CDH12: variants seen among roughly 807,000 people sequenced by gnomAD.
The protein encoded by CDH12 is cadherin-12.
A neutral mutation model predicts 74.1 loss-of-function variants in CDH12; 41 were observed. That is an observed-to-expected ratio of 0.55 (90% confidence interval 0.43 to 0.72). The LOEUF (loss-of-function observed/expected upper bound fraction) is 0.72, where lower values mean the gene tolerates loss of function less well. CDH12 is among the 30% of genes least tolerant of loss of function. The pLI, the probability that CDH12 is intolerant of heterozygous loss-of-function variation, is 0.00. For missense variants in CDH12, 945 were observed against 977.2 expected, an observed-to-expected ratio of 0.97 and a Z score of 0.44; for synonymous variants, 399 against 355.0, an observed-to-expected ratio of 1.12 and a Z score of -1.39.
chr5:22,767,728 C>T (rs1746595175), intron 1 of CDH12, among the ~76,000 whole-genome samples: 1 of 151,828 alleles, frequency 6.6e-6, no homozygotes, highest in African/African-American at 2.4e-5. Context: ...AAAATTATAC[C>T]TACGAGTTCT....
intron 1 of CDH12, among the ~76,000 whole-genome samples, chr5:22,725,971 TAC>T (rs929340544): frequency 2.6e-5 from 4 of 151,790 alleles, no homozygotes; most frequent in Admixed American, 2.6e-4. Context: ...TAGGGGAGAA[TAC>T]AGAGTTTTCT....
chr5:22,226,181 T>C (rs1752188929), intron 3 of CDH12, among the ~76,000 whole-genome samples: 1 of 151,890 alleles, frequency 6.6e-6, no homozygotes. Context: ...CGGACCTCTC[T>C]ATTCTCGGTA....
rs1751908112 is a variant in CDH12 at position 21,875,862 on chromosome 5, G to A, written c.527-21072C>T. Among the ~76,000 whole-genome samples, 8 of 149,690 alleles carry A rather than the reference G, an allele frequency of 5.3e-5. No homozygotes were observed. In the South Asian group the frequency reaches 1.7e-3, roughly 32 times the overall value. ...TGATATTTTCTCCTAAGAGAGAATG[G>A]TGTTTCTTACGTTTACCTTTCTTCT... On this transcript the variant is annotated intron_variant, in intron 6 of 14. Transcript: ENST00000382254.
At chr5:22,599,054 A>T (rs166576) in intron 1 of CDH12, among the ~76,000 whole-genome samples, 74,501 of 151,908 alleles carry the variant, frequency 0.49, 18,566 homozygotes, top group Admixed American at 0.58. Flanking sequence ...GTCGCCAAAA[A>T]TCAGAGCCTT....
intron 1 of CDH12, among the ~76,000 whole-genome samples, chr5:22,840,944 T>G (rs943997058): frequency 3.3e-5 from 5 of 151,382 alleles, no homozygotes; most frequent in African/African-American, 1.2e-4. Flanking sequence ...GCAAGAAGAG[T>G]TGGACAGAGC....
intron 4 of CDH12, among the ~76,000 whole-genome samples, chr5:22,091,195 G>T (rs1326781669): frequency 7.6e-6 from 1 of 132,186 alleles, no homozygotes; most frequent in Non-Finnish European, 1.6e-5. Context: ...GTGTGTGTGT[G>T]TGTATATATA....
At chr5:22,530,828 A>G (rs544077541) in intron 1 of CDH12, among the ~76,000 whole-genome samples, 56 of 152,220 alleles carry the variant, frequency 3.7e-4, no homozygotes, top group African/African-American at 1.3e-3. Flanking sequence ...AAATTAGCAT[A>G]TTTCCTCATT....
At chr5:21,837,624 G>T (rs192875247) in intron 8 of CDH12, among the ~76,000 whole-genome samples, 2 of 152,038 alleles carry the variant, frequency 1.3e-5, no homozygotes, top group Non-Finnish European at 2.9e-5. Context: ...ACACTTGACG[G>T]TTAATTGTGC....
intron 4 of CDH12, among the ~76,000 whole-genome samples, chr5:22,117,491 A>ATGTATATAT (rs1457651411): frequency 5.9e-4 from 38 of 64,152 alleles, no homozygotes; most frequent in African/African-American, 2.3e-3. Flanking sequence ...TATATATATT[A>ATGTATATAT]TATATATATA....
intron 2 of CDH12, among the ~76,000 whole-genome samples, chr5:22,472,648 T>C (rs770875200): frequency 1.3e-5 from 2 of 152,118 alleles, no homozygotes; most frequent in African/African-American, 2.4e-5. Flanking sequence ...TATTATACTG[T>C]GGAATTATCC....
chr5:22,733,677 A>T (rs1744546981), intron 1 of CDH12, among the ~76,000 whole-genome samples: 1 of 151,930 alleles, frequency 6.6e-6, no homozygotes, highest in African/African-American at 2.4e-5. Flanking sequence ...TACATGTTGT[A>T]GCCTGGGCAA....
chr5:22,745,556 G>A (rs953917662), intron 1 of CDH12, among the ~76,000 whole-genome samples: 24 of 152,016 alleles, frequency 1.6e-4, no homozygotes, highest in African/African-American at 4.3e-4. Flanking sequence ...AGAAAATGTG[G>A]CACATATACA....
intron 3 of CDH12, among the ~76,000 whole-genome samples, chr5:22,361,784 C>A (rs1231545892): frequency 1.3e-5 from 2 of 152,088 alleles, no homozygotes; most frequent in African/African-American, 4.8e-5. Context: ...CACACATCTA[C>A]CACCATCTGA....
At chr5:21,945,714 A>G (rs1755548328) in intron 6 of CDH12, among the ~76,000 whole-genome samples, 1 of 151,836 alleles carries the variant, frequency 6.6e-6, no homozygotes, top group Non-Finnish European at 1.5e-5. Context: ...AAAACATGCC[A>G]ACAGAATTTA....
rs540930555 is a variant in CDH12, at chr5:22,629,133, A to T, written c.-522-123769T>A. ...AAAGGCTGCCAACCAGGAAAAGGCCAGTACTAGATGGATGCACAGCCAGGT... is the reference window on the plus strand; with the variant it reads ...AAAGGCTGCCAACCAGGAAAAGGCCTGTACTAGATGGATGCACAGCCAGGT... On this transcript the variant is annotated intron_variant, in intron 1 of 14. Coordinates refer to ENST00000382254, the MANE Select transcript of CDH12 (RefSeq NM_004061.5). Among the ~76,000 whole-genome samples, 3 of 152,190 alleles carry T rather than the reference A, an allele frequency of 2.0e-5. No homozygotes were observed. The South Asian group carries it at 6.2e-4, about 32-fold the overall frequency.
rs1736302137 is a variant in CDH12 at position 21,996,361 on chromosome 5, A to G, written c.232-20976T>C. 2.0e-5 allele frequency among the ~76,000 whole-genome samples: 3 copies of G among 152,320 alleles called. No homozygotes were observed. In the South Asian group the frequency reaches 6.2e-4, roughly 32 times the overall value. On this transcript the variant is annotated intron_variant, in intron 5 of 14. Coordinates refer to ENST00000382254, the MANE Select transcript of CDH12 (RefSeq NM_004061.5). ...ATATAAATTGGTAAGAAGAAAGTAT[A>G]GATTTTAAAAGAAAACCAAATGGTC... is the stretch of plus-strand genomic sequence containing the variant.
At chr5:21,811,349 A>G (rs1240326557) in intron 9 of CDH12, among the ~76,000 whole-genome samples, 2 of 152,080 alleles carry the variant, frequency 1.3e-5, no homozygotes, top group South Asian at 2.1e-4. Context: ...GTATTCACTT[A>G]ATTATTTTAA....
intron 2 of CDH12, among the ~76,000 whole-genome samples, chr5:22,500,999 A>G (rs1368589228): frequency 6.6e-6 from 1 of 152,124 alleles, no homozygotes; most frequent in Non-Finnish European, 1.5e-5. Context: ...GCTAATTTGA[A>G]TGATAGCACA....
chr5:21,920,718 A>C (rs1754316431), intron 6 of CDH12, among the ~76,000 whole-genome samples: 2 of 141,648 alleles, frequency 1.4e-5, no homozygotes, highest in Non-Finnish European at 3.1e-5. Context: ...CCATTTTGTG[A>C]CTTGGCTTAA....
Sources: gnomAD v4.1 joint callset for allele counts (sites outside exome capture counted in the v4.1 genomes callset) on GRCh38, gnomAD v4.1.1 for gene constraint, MANE v1.5 for transcripts, NCBI Gene and HGNC (gene_info 2026-07-23, HGNC 2026-07-21) for gene names.